The following MBNL3 variants were observed in gnomAD, a reference collection of about 807,000 sequenced individuals.
MBNL3 encodes the protein muscleblind like splicing regulator 3.
In MBNL3, 6 loss-of-function variants were observed where a neutral mutation model predicts 24.5. The observed-to-expected ratio is 0.25, with a 90% CI of 0.13 to 0.48. The LOEUF is 0.48. Ranked by LOEUF, MBNL3 falls within the 20% of genes least tolerant of loss-of-function variation. MBNL3 has a pLI of 0.99. For missense variants in MBNL3, 230 were observed against 293.5 expected (o/e 0.78, Z 1.58); for synonymous variants, 100 against 101.7 (o/e 0.98, Z 0.10).
At position 132,375,743 on chromosome X, in the gene MBNL3, TGA is replaced by T. The variant is rs1183027699; in HGVS notation, c.*3921_*3922del. ...TGTTTCAATGTATGTGAAATGTATT[TGA>T]GAGAAAAATAATGAGGATTTCAGTT... On this transcript the variant is annotated 3_prime_UTR_variant, in exon 9 of 9. Transcript: ENST00000370853. The T allele has an allele frequency of 8.1e-5, 9 of 111,055 alleles. No homozygotes were observed. The highest frequency in any genetic ancestry group is 2.9e-4 in the African/African-American group (9 of 30,666). 9.2% of individuals were successfully genotyped at this position (111,055 alleles called of 1,213,427 possible). A position where few individuals can be genotyped will look rare whatever the true frequency, so the allele number is the denominator to read the frequency against.
intron 3 of MBNL3, among the ~76,000 whole-genome samples, chrX:132,396,915 CATATAT>C (rs1176044919): frequency 1.7e-3 from 63 of 36,483 alleles, no homozygotes; most frequent in African/African-American, 9.3e-3. Context: ...TACATATATA[CATATAT>C]ATTCATATAT....
intron 2 of MBNL3, among the ~76,000 whole-genome samples, chrX:132,434,842 T>A (rs1303083245): frequency 9.0e-6 from 1 of 111,071 alleles, no homozygotes; most frequent in African/African-American, 3.3e-5. Context: ...AACAGAAAAA[T>A]AACATTAGGA....
chrX:132,416,383 A>G (rs1307049042), intron 2 of MBNL3, among the ~76,000 whole-genome samples: 2 of 110,864 alleles, frequency 1.8e-5, no homozygotes, highest in African/African-American at 3.3e-5. Flanking sequence ...CAAAAAACCC[A>G]CTCAACTCAT....
intron 2 of MBNL3, among the ~76,000 whole-genome samples, chrX:132,407,557 G>A (rs1942023559): frequency 8.9e-6 from 1 of 112,111 alleles, no homozygotes; most frequent in African/African-American, 3.2e-5. Context: ...TTGGTAGTAT[G>A]AGTTAAGAAT....
intron 2 of MBNL3, among the ~76,000 whole-genome samples, chrX:132,425,634 A>C (rs1944243834): frequency 9.0e-6 from 1 of 111,500 alleles, no homozygotes; most frequent in Non-Finnish European, 1.9e-5. Context: ...GAAGATTATG[A>C]GCTTGTACTT....
rs1047861164 is a variant in MBNL3, at chrX:132,456,079, C to T, written c.-703-15765G>A. On this transcript the variant is annotated intron_variant, in intron 1 of 8. Coordinates refer to ENST00000370853, the MANE Select transcript of MBNL3 (RefSeq NM_001386889.1). ...TCAGATTTAGTTTACCTGTTTGTAA[C>T]CATCTGACCCTCCTGGCCACAGTCT... is the stretch of plus-strand genomic sequence containing the variant. 5.4e-5 allele frequency among the ~76,000 whole-genome samples: 6 copies of T among 112,073 alleles called. No homozygotes were observed. The Admixed American group carries it at 5.7e-4, about 11-fold the overall frequency.
At chrX:132,423,440 C>G (rs1172743567) in intron 2 of MBNL3, among the ~76,000 whole-genome samples, 3 of 110,712 alleles carry the variant, frequency 2.7e-5, no homozygotes, top group Non-Finnish European at 5.7e-5. Context: ...TCTCCTCACC[C>G]CTAAAAAAAA....
At chrX:132,483,797 A>G (rs1232186587) in intron 1 of MBNL3, among the ~76,000 whole-genome samples, 1 of 112,123 alleles carries the variant, frequency 8.9e-6, no homozygotes, top group Non-Finnish European at 1.9e-5. Context: ...GTACACAATA[A>G]AAAGAGGCAC....
At chrX:132,426,490 AT>A (rs1195108705) in intron 2 of MBNL3, among the ~76,000 whole-genome samples, 1 of 110,309 alleles carries the variant, frequency 9.1e-6, no homozygotes, top group African/African-American at 3.3e-5. Context: ...TTTTTCTGTC[AT>A]TTTTTTTGCA....
chrX:132,397,030 A>C (rs1939873346), intron 3 of MBNL3, among the ~76,000 whole-genome samples: 1 of 97,893 alleles, frequency 1.0e-5, no homozygotes, highest in Non-Finnish European at 2.0e-5. Flanking sequence ...CCACAAATTG[A>C]AAATGTTTGG....
chrX:132,417,048 G>A (rs1943363133), intron 2 of MBNL3, among the ~76,000 whole-genome samples: 1 of 111,557 alleles, frequency 9.0e-6, no homozygotes, highest in African/African-American at 3.3e-5. Context: ...TCAGATATGC[G>A]AACACAATTG....
chrX:132,441,674 C>T (rs746761828), intron 1 of MBNL3, among the ~76,000 whole-genome samples: 3 of 112,098 alleles, frequency 2.7e-5, no homozygotes, highest in Admixed American at 1.9e-4. Flanking sequence ...CCTCATACAT[C>T]GTGGCTGGGA....
chrX:132,460,086 T>C (rs1168017393), intron 1 of MBNL3, among the ~76,000 whole-genome samples: 1 of 111,460 alleles, frequency 9.0e-6, no homozygotes, highest in Non-Finnish European at 1.9e-5. Flanking sequence ...ACAGCATCCT[T>C]AGAGACTATA....
intron 1 of MBNL3, among the ~76,000 whole-genome samples, chrX:132,450,643 C>T (rs187245011): frequency 2.7e-5 from 3 of 111,998 alleles, no homozygotes; most frequent in African/African-American, 6.5e-5. Context: ...TTGTTATTAC[C>T]CACCTTCTGA....
At chrX:132,402,750 A>G (rs1422568512) in intron 3 of MBNL3, among the ~76,000 whole-genome samples, 3 of 111,699 alleles carry the variant, frequency 2.7e-5, no homozygotes, top group Non-Finnish European at 5.7e-5. Context: ...CAAGCATTCC[A>G]CCCAAATTGA....
intron 1 of MBNL3, among the ~76,000 whole-genome samples, chrX:132,474,820 A>G (rs1951036466): frequency 9.0e-6 from 1 of 111,211 alleles, no homozygotes; most frequent in South Asian, 3.8e-4. Flanking sequence ...TATATCTGAA[A>G]AAAAGTCATC....
chrX:132,406,615 A>G, intron 2 of MBNL3, among the ~76,000 whole-genome samples: 1 of 111,649 alleles, frequency 9.0e-6, no homozygotes. Flanking sequence ...ATGGCCCTAG[A>G]TCACTTGCAT....
At chrX:132,396,949 CATATATATTCATAT>C (rs1224098109) in intron 3 of MBNL3, among the ~76,000 whole-genome samples, 1 of 63,126 alleles carries the variant, frequency 1.6e-5, no homozygotes, top group African/African-American at 6.4e-5. Context: ...TATATATATT[CATATATATTCATAT>C]ATATATGAAT....
At position 132,382,261 on chromosome X, in the gene MBNL3, G is replaced by A. The variant is rs1436291101; in HGVS notation, c.970C>T (p.His324Tyr). The change falls in exon 8 of 9, where the codon CAC (histidine) becomes TAC (tyrosine). Residue 324 changes from histidine (H) to tyrosine (Y), a missense_variant. Coordinates refer to ENST00000370853, the MANE Select transcript of MBNL3 (RefSeq NM_001386889.1). ...APASNIVPMM[H>Y]GATPTTVSAA... is the part of the protein sequence containing the mutation. ...GACACAGTGGTAGGTGTAGCACCGT[G>A]CATCATGGGCACTTTCAGTTGAAAA... 1 of 1,196,140 alleles carries A rather than the reference G, an allele frequency of 8.4e-7. No individual in the cohort carries two copies. Among genetic ancestry groups the A allele is most frequent in the Non-Finnish European group, 1.1e-6 (1 of 886,115 alleles).
Sources: allele counts gnomAD v4.1 joint callset (sites outside exome capture counted in the v4.1 genomes callset), GRCh38; gene constraint gnomAD v4.1.1; transcripts MANE v1.5; gene names NCBI Gene and HGNC (gene_info 2026-07-23, HGNC 2026-07-21).